Variants in TTC8 observed in about 807,000 individuals in gnomAD.
The protein encoded by TTC8 is tetratricopeptide repeat protein 8.
Under a neutral mutation model 72.5 loss-of-function variants are expected in TTC8, and 47 were observed. The ratio of observed to expected loss-of-function variants is 0.65; its 90% confidence interval spans 0.51 to 0.83. TTC8 has a LOEUF of 0.83. Ranked by LOEUF, TTC8 falls within the 40% of genes least tolerant of loss-of-function variation. TTC8 has a pLI of 0.00. For missense variants in TTC8, 611 were observed against 623.2 expected (o/e 0.98, Z 0.21); for synonymous variants, 199 against 221.4 (o/e 0.90, Z 0.90).
intron 13 of TTC8, among the ~76,000 whole-genome samples, chr14:88,873,859 C>A (rs1056224820): frequency 6.6e-6 from 1 of 152,154 alleles, no homozygotes; most frequent in Admixed American, 6.5e-5. Flanking sequence ...AGTAACTTTA[C>A]CCGAGGTCAC....
At chr14:88,846,401 G>A (rs1425969100) in intron 7 of TTC8, among the ~76,000 whole-genome samples, 1 of 152,160 alleles carries the variant, frequency 6.6e-6, no homozygotes, top group Non-Finnish European at 1.5e-5. Flanking sequence ...ATCATTATGT[G>A]TAGGAAGAGC....
Position 88,870,186 on chromosome 14 carries a change from T to C in TTC8, c.1037T>C (p.Leu346Pro), listed in dbSNP as rs1042941820. The change falls in exon 11 of 15, where the codon CTC (leucine) becomes CCC (proline). Residue 346 changes from leucine to proline, a missense_variant. By Grantham distance (98) the Leu-to-Pro change is moderately conservative (BLOSUM62 -3). Coordinates refer to ENST00000380656, the MANE Select transcript of TTC8 (RefSeq NM_144596.4). ...TATTCTGATCAGCCAGAAATAGCTC[T>C]CCGGTTTTACAGGTGCACTTCACAT... Reference protein sequence around the residue: ...HFYSDQPEIALRFYRRLLQMG... With the variant: ...HFYSDQPEIAPRFYRRLLQMG... 12 of 1,614,014 alleles carry C rather than the reference T, an allele frequency of 7.4e-6. No individual in the cohort carries two copies. Among genetic ancestry groups the C allele is most frequent in the Admixed American group, 1.7e-5 (1 of 60,006 alleles).
intron 2 of TTC8, among the ~76,000 whole-genome samples, chr14:88,836,223 G>A (rs2094750225): frequency 1.3e-5 from 2 of 152,180 alleles, no homozygotes; most frequent in South Asian, 4.2e-4. Context: ...TGGTGCAGTG[G>A]CTCACACCTG....
intron 10 of TTC8, among the ~76,000 whole-genome samples, chr14:88,867,750 G>C (rs984907299): frequency 6.6e-6 from 1 of 152,140 alleles, no homozygotes; most frequent in African/African-American, 2.4e-5. Context: ...AAGTATACAA[G>C]TATTCAAAAG....
chr14:88,829,347 T>C (rs1253833187), intron 1 of TTC8, among the ~76,000 whole-genome samples: 1 of 152,346 alleles, frequency 6.6e-6, no homozygotes, highest in East Asian at 1.9e-4. Flanking sequence ...AACAGTCCTC[T>C]CCGTACAGCA....
At position 88,871,504 on chromosome 14, in the gene TTC8, C is replaced by T; in HGVS notation, c.1050-45C>T. 6.3e-7 allele frequency: 1 copy of T among 1,590,766 alleles called. No homozygotes were observed. Among genetic ancestry groups the T allele is most frequent in the Non-Finnish European group, 8.6e-7 (1 of 1,163,140 alleles). ...ATATATATATATGTCTTAAAACTTACAAAGTTGGTCTGACACCAAAATTTG... is the reference window on the plus strand; with the variant it reads ...ATATATATATATGTCTTAAAACTTATAAAGTTGGTCTGACACCAAAATTTG... On this transcript the variant is annotated intron_variant, in intron 11 of 14. Coordinates refer to ENST00000380656, the MANE Select transcript of TTC8 (RefSeq NM_144596.4). This position sits in a 1 kb window ranked among gnomAD's most constrained non-coding sequence, Gnocchi z 4.1.
rs188159506 is a variant in TTC8, at chr14:88,865,451, C to G, written c.909+4119C>G. 7.2e-4 allele frequency among the ~76,000 whole-genome samples: 110 copies of G among 152,240 alleles called. 1 individual carries two copies. The East Asian group carries it at 0.018, about 24-fold the overall frequency. ...TGGGATGCAGAGGTGGGCAGATCAC[C>G]TGAGGTCTGGAGTTCGAGACCAGCC... On this transcript the variant is annotated intron_variant, in intron 10 of 14. Transcript: ENST00000380656.
intron 13 of TTC8, among the ~76,000 whole-genome samples, chr14:88,873,555 G>A (rs768190222): frequency 2.6e-5 from 4 of 152,130 alleles, no homozygotes; most frequent in South Asian, 2.1e-4. Context: ...AGTACCTGCC[G>A]TATGGTAGAT....
chr14:88,846,398 T>C (rs908565507), intron 7 of TTC8, among the ~76,000 whole-genome samples: 1 of 152,104 alleles, frequency 6.6e-6, no homozygotes, highest in Admixed American at 6.6e-5. Context: ...CACATCATTA[T>C]GTGTAGGAAG....
At chr14:88,846,645 A>T (rs550707699) in intron 7 of TTC8, 2 of 1,463,310 alleles carry the variant, frequency 1.4e-6, no homozygotes, top group African/African-American at 1.4e-5. Flanking sequence ...ACCCATTCTT[A>T]TTGAGGAATA....
intron 10 of TTC8, among the ~76,000 whole-genome samples, chr14:88,863,498 G>T (rs1226262970): frequency 6.6e-6 from 1 of 152,168 alleles, no homozygotes; most frequent in Non-Finnish European, 1.5e-5. Context: ...TTACTATTGG[G>T]TGCTGGTCAT....
chr14:88,871,867 C>G lies in TTC8; in HGVS notation c.1224+144C>G. 2.3e-6 allele frequency: 2 copies of G among 882,952 alleles called. No homozygotes were observed. Among genetic ancestry groups the G allele is most frequent in the South Asian group, 2.9e-5 (2 of 69,812 alleles). The allele number at this position is 882,952 out of a possible 1,614,324, so 54.7% of individuals were successfully genotyped here. ...AGGAGTTTGAGACCACCCTGGGCAA[C>G]ATAGTGGGACTCTGTCTCTACAAAA... On this transcript the variant is annotated intron_variant, in intron 12 of 14. Coordinates refer to ENST00000380656, the MANE Select transcript of TTC8 (RefSeq NM_144596.4). This position sits in a 1 kb window ranked among gnomAD's most constrained non-coding sequence, Gnocchi z 4.1.
intron 7 of TTC8, 69 bp downstream of exon 7, chr14:88,843,919 A>C (rs1036262794): frequency 1.8e-6 from 2 of 1,129,854 alleles, no homozygotes; most frequent in African/African-American, 3.1e-5. Flanking sequence ...AGATTCTGAA[A>C]TATTCTATTT....
chr14:88,830,806 G>A (rs2140955786), intron 1 of TTC8: 2 of 455,082 alleles, frequency 4.4e-6, no homozygotes, highest in South Asian at 1.6e-5. Context: ...AAAGAGGAAA[G>A]GCTCAGTGAT....
intron 10 of TTC8, among the ~76,000 whole-genome samples, chr14:88,866,103 C>T (rs1308640506): frequency 7.9e-5 from 12 of 151,916 alleles, no homozygotes; most frequent in Admixed American, 6.6e-4. Flanking sequence ...GAAGAAAACA[C>T]AGATGAATTA....
chr14:88,857,411 T>C, intron 9 of TTC8, 134 bp downstream of exon 9: 1 of 795,458 alleles, frequency 1.3e-6, no homozygotes, highest in South Asian at 1.5e-5. Flanking sequence ...AACTTGTTTT[T>C]CTTTACAGCA....
At chr14:88,824,859 C>G (rs2094691540) in intron 1 of TTC8, 38 bp downstream of exon 1, 5 of 1,549,636 alleles carry the variant, frequency 3.2e-6, no homozygotes, top group Non-Finnish European at 4.4e-6. Context: ...CATCCTGACG[C>G]TGAGGCTGCG....
intron 7 of TTC8, among the ~76,000 whole-genome samples, chr14:88,851,872 G>T (rs748254241): frequency 2.6e-5 from 4 of 152,106 alleles, no homozygotes; most frequent in Non-Finnish European, 5.9e-5. Flanking sequence ...CCTGGAGCAA[G>T]AGAAGATGGG....
intron 9 of TTC8, among the ~76,000 whole-genome samples, chr14:88,858,255 G>T (rs1433816481): frequency 6.6e-6 from 1 of 152,102 alleles, no homozygotes; most frequent in Non-Finnish European, 1.5e-5. Context: ...GAGCCACCAT[G>T]CCTGGCCAGA....
Sources: gnomAD v4.1 joint callset for allele counts (sites outside exome capture counted in the v4.1 genomes callset) on GRCh38, gnomAD v4.1.1 for gene constraint, Gnocchi (gnomAD v3.1) non-coding constraint, MANE v1.5 for transcripts, NCBI Gene and HGNC (gene_info 2026-07-23, HGNC 2026-07-21) for gene names.